KCNJ3: variants seen among roughly 807,000 people sequenced by gnomAD.
KCNJ3 encodes potassium inwardly rectifying channel subfamily J member 3.
KCNJ3 carries 4 observed loss-of-function variants against 39.2 expected under a neutral mutation model. The observed-to-expected ratio is 0.10, with a 90% CI of 0.05 to 0.23. The LOEUF (loss-of-function observed/expected upper bound fraction) is 0.23, where lower values mean the gene tolerates loss of function less well. Ranked by LOEUF, KCNJ3 falls within the 10% of genes least tolerant of loss-of-function variation. KCNJ3 has a pLI of 1.00. For synonymous variants in KCNJ3, 230 were observed against 237.4 expected, an observed-to-expected ratio of 0.97 and a Z score of 0.29; for missense variants, 276 against 634.9, an observed-to-expected ratio of 0.43 and a Z score of 6.08.
chr2:154,821,692 A>G (rs1687184908), intron 2 of KCNJ3, among the ~76,000 whole-genome samples: 1 of 123,510 alleles, frequency 8.1e-6, no homozygotes. Flanking sequence ...TCCAGGCTAG[A>G]GTTTAGTGGT....
chr2:154,797,140 C>G (rs1304490641), intron 2 of KCNJ3, among the ~76,000 whole-genome samples: 1 of 152,158 alleles, frequency 6.6e-6, no homozygotes, highest in Admixed American at 6.6e-5. Flanking sequence ...AATGCACCAT[C>G]TAATGTGGGA....
chr2:154,771,864 A>C (rs1000800217), intron 2 of KCNJ3, among the ~76,000 whole-genome samples: 1 of 152,204 alleles, frequency 6.6e-6, no homozygotes, highest in African/African-American at 2.4e-5. Flanking sequence ...AGATTGAAGC[A>C]CTATGCAAAT....
At chr2:154,755,220 A>G (rs1685916687) in intron 2 of KCNJ3, among the ~76,000 whole-genome samples, 1 of 151,990 alleles carries the variant, frequency 6.6e-6, no homozygotes, top group Admixed American at 6.5e-5. Context: ...TGTCTGGCAT[A>G]TTTGCCATTA....
chr2:154,840,511 A>ATAAAT (rs1558888014), intron 2 of KCNJ3, among the ~76,000 whole-genome samples: 1 of 152,182 alleles, frequency 6.6e-6, no homozygotes, highest in Non-Finnish European at 1.5e-5. Flanking sequence ...CATTTAATCT[A>ATAAAT]TAAATTACTT....
chr2:154,813,576 A>C (rs1399533952), intron 2 of KCNJ3, among the ~76,000 whole-genome samples: 2 of 152,186 alleles, frequency 1.3e-5, no homozygotes, highest in African/African-American at 4.8e-5. Context: ...GTAATTTGCC[A>C]CTTTTCAAGA....
At position 154,741,992 on chromosome 2, in the gene KCNJ3, C is replaced by T. The variant is rs562373117; in HGVS notation, c.919+32173C>T. Among the ~76,000 whole-genome samples the T allele has an allele frequency of 6.7e-4, 101 of 151,784 alleles. 1 individual carries two copies. Among genetic ancestry groups the T allele is most frequent in the Admixed American group, 6.2e-3 (95 of 15,216 alleles). The stretch of plus-strand genomic sequence containing the variant: ...TATCATCCCTCTCTATAATTCTTTT[C>T]ATCTTAAAACTGAAGCTCTGTACCT... On this transcript the variant is annotated intron_variant, in intron 2 of 2. Coordinates refer to ENST00000295101, the MANE Select transcript of KCNJ3 (RefSeq NM_002239.4).
At position 154,855,804 on chromosome 2, in the gene KCNJ3, C is replaced by CAT. The variant is rs1223245472; in HGVS notation, c.*498_*499dup. 6.6e-6 allele frequency: 1 copy of CAT among 152,114 alleles called. No individual in the cohort carries two copies. The highest frequency in any genetic ancestry group is 1.9e-4 in the East Asian group (1 of 5,158). The allele number at this position is 152,114 out of a possible 1,614,324, so 9.4% of individuals were successfully genotyped here. On this transcript the variant is annotated 3_prime_UTR_variant, in exon 3 of 3. Coordinates refer to ENST00000295101, the MANE Select transcript of KCNJ3 (RefSeq NM_002239.4). ...ATACATACACATACATACATACATA[C>CAT]ATATATATCTGATAAAATTGTGATG...
At chr2:154,756,805 G>A (rs941901303) in intron 2 of KCNJ3, among the ~76,000 whole-genome samples, 3 of 151,756 alleles carry the variant, frequency 2.0e-5, no homozygotes, top group Non-Finnish European at 2.9e-5. Flanking sequence ...ATATAATAGA[G>A]CAAAGCCCTT....
At chr2:154,721,445 G>C (rs943931455) in intron 2 of KCNJ3, among the ~76,000 whole-genome samples, 1 of 152,048 alleles carries the variant, frequency 6.6e-6, no homozygotes, top group African/African-American at 2.4e-5. Flanking sequence ...CTGGGTTCCA[G>C]GTTCTACTAG....
intron 2 of KCNJ3, 106 bp downstream of exon 2, chr2:154,709,925 T>C (rs1309550355): frequency 1.6e-6 from 2 of 1,240,910 alleles, no homozygotes; most frequent in East Asian, 2.5e-5. Context: ...GAGTTTACAA[T>C]AATGAAAGTA....
intron 2 of KCNJ3, among the ~76,000 whole-genome samples, chr2:154,806,836 G>A (rs988721201): frequency 8.5e-5 from 13 of 152,124 alleles, no homozygotes; most frequent in African/African-American, 2.4e-4. Context: ...AAAAAGACAC[G>A]TAACTTTCTC....
intron 1 of KCNJ3, among the ~76,000 whole-genome samples, chr2:154,705,985 GAATT>G (rs1392552241): frequency 6.6e-6 from 1 of 151,920 alleles, no homozygotes; most frequent in African/African-American, 2.4e-5. Context: ...AAATTTTTAA[GAATT>G]AATCATTTTT....
chr2:154,734,616 G>A (rs1056910742), intron 2 of KCNJ3, among the ~76,000 whole-genome samples: 5 of 152,176 alleles, frequency 3.3e-5, no homozygotes, highest in African/African-American at 1.2e-4. Context: ...GAATGGAGAA[G>A]TGCCTGTGTT....
chr2:154,765,998 G>T (rs1686127359), intron 2 of KCNJ3, among the ~76,000 whole-genome samples: 1 of 152,144 alleles, frequency 6.6e-6, no homozygotes, highest in Non-Finnish European at 1.5e-5. Flanking sequence ...CACGCCATTA[G>T]TAAGTAACCG....
At chr2:154,758,092 C>T (rs763122692) in intron 2 of KCNJ3, among the ~76,000 whole-genome samples, 14 of 152,028 alleles carry the variant, frequency 9.2e-5, no homozygotes, top group Non-Finnish European at 1.9e-4. Flanking sequence ...TTATTTCAGG[C>T]ATTTTAAAAT....
intron 2 of KCNJ3, 135 bp downstream of exon 2, chr2:154,709,954 C>A: frequency 9.7e-7 from 1 of 1,026,950 alleles, no homozygotes; most frequent in Non-Finnish European, 1.4e-6. Context: ...CCTTTCATTT[C>A]TTTGTAACAT....
At chr2:154,846,542 A>G (rs375714814) in intron 2 of KCNJ3, among the ~76,000 whole-genome samples, 8 of 152,302 alleles carry the variant, frequency 5.3e-5, no homozygotes, top group African/African-American at 1.9e-4. Flanking sequence ...TCAGATAATC[A>G]TAACATGCCC....
At chr2:154,721,591 T>C (rs973171254) in intron 2 of KCNJ3, among the ~76,000 whole-genome samples, 3 of 152,102 alleles carry the variant, frequency 2.0e-5, no homozygotes, top group African/African-American at 7.2e-5. Context: ...TTGGAAAGGA[T>C]ATTTCTTACT....
intron 2 of KCNJ3, among the ~76,000 whole-genome samples, chr2:154,803,522 G>C (rs996421638): frequency 7.3e-5 from 11 of 151,452 alleles, no homozygotes; most frequent in African/African-American, 2.4e-4. Context: ...GATGGCAAAA[G>C]AATAAAGGTT....
Sources: gnomAD v4.1 joint callset for allele counts (sites outside exome capture counted in the v4.1 genomes callset) on GRCh38, gnomAD v4.1.1 for gene constraint, MANE v1.5 for transcripts, NCBI Gene and HGNC (gene_info 2026-07-23, HGNC 2026-07-21) for gene names.